The following ITSN1 variants were observed in gnomAD, a reference collection of about 807,000 sequenced individuals.
ITSN1 encodes intersectin-1.
A neutral mutation model predicts 239.8 loss-of-function variants in ITSN1; 58 were observed. The observed-to-expected ratio is 0.24, with a 90% CI of 0.20 to 0.30. The LOEUF (loss-of-function observed/expected upper bound fraction) is 0.30, where lower values mean the gene tolerates loss of function less well. Ranked by LOEUF, ITSN1 falls within the 10% of genes least tolerant of loss-of-function variation. ITSN1 has a pLI of 1.00. For missense variants in ITSN1, 1,558 were observed against 2,103.3 expected, an observed-to-expected ratio of 0.74 and a Z score of 5.07; for synonymous variants, 780 against 770.8, an observed-to-expected ratio of 1.01 and a Z score of -0.20.
chr21:33,797,510 A>G lies in ITSN1; in HGVS notation c.2084A>G (p.Glu695Gly), dbSNP rs972530973. 1 of 1,614,120 alleles carries G rather than the reference A, an allele frequency of 6.2e-7. No homozygotes were observed. Among genetic ancestry groups the G allele is most frequent in the Non-Finnish European group, 8.5e-7 (1 of 1,179,962 alleles). ...AGTGTCAAAAAGAAGGATGGCGAGG[A>G]AAAAGGCAAACAGGAAGCACAAGAC... ...EESVKKKDGE[E>G]KGKQEAQDKL... The change falls in exon 18 of 40, where the codon GAA becomes GGA. Residue 695 changes from glutamate to glycine, a missense_variant. By Grantham distance (98) the Glu-to-Gly change is moderately conservative. Transcript: ENST00000381318. This position sits in a 1 kb window ranked among gnomAD's most constrained non-coding sequence, Gnocchi z 4.9.
intron 17 of ITSN1, among the ~76,000 whole-genome samples, chr21:33,796,516 A>G (rs2148034587): frequency 6.6e-6 from 1 of 152,328 alleles, no homozygotes; most frequent in Middle Eastern, 3.4e-3. Flanking sequence ...TCCTAATTCT[A>G]GCCGATGACC....
intron 27 of ITSN1, among the ~76,000 whole-genome samples, chr21:33,833,919 ATT>A (rs2074450361): frequency 6.7e-6 from 1 of 149,874 alleles, no homozygotes; most frequent in African/African-American, 2.4e-5. Context: ...GGTGGCCATT[ATT>A]ATTATTATTA....
intron 1 of ITSN1, among the ~76,000 whole-genome samples, chr21:33,670,468 T>G (rs2090196053): frequency 6.6e-6 from 1 of 152,140 alleles, no homozygotes; most frequent in Non-Finnish European, 1.5e-5. Flanking sequence ...TACATAGCTT[T>G]TTAATGAAAA....
At chr21:33,771,356 C>T (rs1333540405) in intron 11 of ITSN1, among the ~76,000 whole-genome samples, 5 of 151,924 alleles carry the variant, frequency 3.3e-5, no homozygotes, top group Admixed American at 2.6e-4. Context: ...CCCTGGCCGG[C>T]GTTGGTACCA....
chr21:33,834,168 A>T, intron 27 of ITSN1, 139 bp from the exon 28 acceptor site: 1 of 628,052 alleles, frequency 1.6e-6, no homozygotes, highest in African/African-American at 1.8e-5. Flanking sequence ...TTTGTGACAT[A>T]GTAATCCATA....
intron 1 of ITSN1, among the ~76,000 whole-genome samples, chr21:33,704,279 A>T (rs1327573198): frequency 6.6e-6 from 1 of 151,976 alleles, no homozygotes; most frequent in East Asian, 1.9e-4. Flanking sequence ...TAATTCCCCC[A>T]TTTTGTTTCT....
At chr21:33,854,916 G>T (rs1031467472) in intron 29 of ITSN1, among the ~76,000 whole-genome samples, 18 of 152,128 alleles carry the variant, frequency 1.2e-4, no homozygotes, top group South Asian at 2.1e-4. Context: ...GCATTCTCCT[G>T]CTGGTCTTGG....
chr21:33,765,648 G>A (rs1602098868), intron 9 of ITSN1, among the ~76,000 whole-genome samples: 1 of 152,172 alleles, frequency 6.6e-6, no homozygotes, highest in East Asian at 1.9e-4. Context: ...GGTTGGGGAA[G>A]AGTATCATTA....
chr21:33,807,848 T>C (rs907037831), intron 20 of ITSN1, among the ~76,000 whole-genome samples: 3 of 152,138 alleles, frequency 2.0e-5, no homozygotes, highest in African/African-American at 7.2e-5. Flanking sequence ...AGGGAACTCC[T>C]GAACAGAGAA....
chr21:33,725,105 A>T lies in ITSN1; in HGVS notation c.185+2454A>T, dbSNP rs1201504238. Among the ~76,000 whole-genome samples, 28 of 123,820 alleles carry T rather than the reference A, an allele frequency of 2.3e-4. 1 individual carries two copies. The highest frequency in any genetic ancestry group is 8.5e-4 in the Admixed American group (11 of 12,942). 81.2% of individuals were successfully genotyped at this position (123,820 alleles called of 152,430 possible). A position where few individuals can be genotyped will look rare whatever the true frequency, so the allele number is the denominator to read the frequency against. Reference sequence around the variant, plus strand: ...GGCAATATAATGAGCCCTCATCTTTAAAAAAAAAAAAAAAATTTTTTTTTT... The same window carrying T: ...GGCAATATAATGAGCCCTCATCTTTTAAAAAAAAAAAAAAATTTTTTTTTT... On this transcript the variant is annotated intron_variant, in intron 4 of 39. Transcript: ENST00000381318.
Position 33,813,921 on chromosome 21 carries a change from C to T in ITSN1, c.2576C>T (p.Thr859Ile). The change falls in exon 22 of 40, where the codon ACC (threonine) becomes ATC (isoleucine). Residue 859 changes from threonine (T) to isoleucine (I), a missense_variant. Physicochemically the swap from Thr to Ile is moderately conservative, Grantham distance 89 (BLOSUM62 -1). This residue lies in a region of ITSN1 where 982 missense variants were observed against 1,209.9 expected (regional missense o/e 0.81). Coordinates refer to ENST00000381318, the MANE Select transcript of ITSN1 (RefSeq NM_003024.3). The stretch of plus-strand genomic sequence containing the variant: ...TGTGCTTTTCCCTCCAGGTGGCCCA[C>T]CAGCACGAATGAGAAACCAGAAACG... ...NWADFSSTWP[T>I]STNEKPETDN... 1 of 1,613,478 alleles carries T rather than the reference C, an allele frequency of 6.2e-7. No homozygotes were observed. The highest frequency in any genetic ancestry group is 2.2e-5 in the East Asian group (1 of 44,840).
In ITSN1 at chr21:33,810,751, G is replaced by C. The variant is rs560866578; in HGVS notation, c.2320-224G>C. 5.3e-5 allele frequency among the ~76,000 whole-genome samples: 8 copies of C among 152,162 alleles called. No individual in the cohort carries two copies. In the East Asian group the frequency reaches 1.5e-3, roughly 29 times the overall value. On this transcript the variant is annotated intron_variant, in intron 20 of 39. Transcript: ENST00000381318. ...ATTATTAGGACAGTTATGGGGTAAG[G>C]CTTTTTTAAAAAGTGCAGAGAATAA...
intron 1 of ITSN1, among the ~76,000 whole-genome samples, chr21:33,699,207 C>T (rs2091912853): frequency 6.6e-6 from 1 of 152,064 alleles, no homozygotes; most frequent in Non-Finnish European, 1.5e-5. Context: ...TCATTGATGC[C>T]ACATTTCTAC....
chr21:33,793,782 G>T (rs2071329520), intron 16 of ITSN1, among the ~76,000 whole-genome samples: 1 of 152,162 alleles, frequency 6.6e-6, no homozygotes, highest in Non-Finnish European at 1.5e-5. Flanking sequence ...AGATGCTCTG[G>T]AAGAGGAGCA....
chr21:33,837,934 GAA>G (rs2074683768), intron 29 of ITSN1: 1 of 985,778 alleles, frequency 1.0e-6, no homozygotes, highest in East Asian at 1.1e-4. Context: ...TCTGTTACAT[GAA>G]GTTTTATTCC....
intron 14 of ITSN1, among the ~76,000 whole-genome samples, chr21:33,780,242 A>G (rs542448695): frequency 6.6e-5 from 10 of 152,362 alleles, no homozygotes; most frequent in East Asian, 3.9e-4. Flanking sequence ...ACCAAGTACA[A>G]TTTTTATTAA....
intron 21 of ITSN1, 55 bp from the exon 22 acceptor site, chr21:33,813,858 A>G: frequency 6.7e-7 from 1 of 1,502,554 alleles, no homozygotes; most frequent in South Asian, 1.3e-5. Flanking sequence ...TGTGGGTAAA[A>G]AGCTGGTATA....
intron 11 of ITSN1, among the ~76,000 whole-genome samples, chr21:33,771,069 A>T (rs946881683): frequency 9.9e-4 from 151 of 152,246 alleles, no homozygotes; most frequent in African/African-American, 3.3e-3. Context: ...CCCAGCCAGG[A>T]CTTTGAATTT....
intron 34 of ITSN1, among the ~76,000 whole-genome samples, chr21:33,881,757 G>A (rs57081056): frequency 0.053 from 8,111 of 152,148 alleles, 327 homozygotes; most frequent in African/African-American, 0.11. Context: ...GAGGTGGAAC[G>A]ATCGCTTGAA....
Sources: gnomAD v4.1 joint callset for allele counts (sites outside exome capture counted in the v4.1 genomes callset) on GRCh38, gnomAD v4.1.1 for gene constraint, gnomAD v4.1.1 regional missense constraint, Gnocchi (gnomAD v3.1) non-coding constraint, MANE v1.5 for transcripts, NCBI Gene and HGNC (gene_info 2026-07-23, HGNC 2026-07-21) for gene names.